NPAS3: variants seen among roughly 807,000 people sequenced by gnomAD.
NPAS3 encodes the protein neuronal PAS domain-containing protein 3.
A neutral mutation model predicts 73.1 loss-of-function variants in NPAS3; 14 were observed. The ratio of observed to expected loss-of-function variants is 0.19; its 90% confidence interval spans 0.13 to 0.30. The LOEUF is 0.30. Among genes scored for constraint, NPAS3 ranks in the 10% least tolerant of loss-of-function variants. The pLI, the probability that NPAS3 is intolerant of heterozygous loss-of-function variation, is 1.00. For missense variants in NPAS3, 1,096 were observed against 1,250.0 expected (o/e 0.88, Z 1.86); for synonymous variants, 620 against 541.5 (o/e 1.14, Z -2.01).
At chr14:33,461,140 C>T (rs1054672389) in intron 4 of NPAS3, among the ~76,000 whole-genome samples, 8 of 152,162 alleles carry the variant, frequency 5.3e-5, no homozygotes, top group Non-Finnish European at 1.0e-4. Context: ...GCCTGCGAGG[C>T]TTTATTTAAA....
intron 2 of NPAS3, among the ~76,000 whole-genome samples, chr14:33,079,228 T>C (rs1457637724): frequency 2.0e-5 from 3 of 152,140 alleles, no homozygotes; most frequent in African/African-American, 7.2e-5. Flanking sequence ...TCTTTCCTCC[T>C]CCATGTAGAA....
At chr14:33,482,817 T>G (rs1167641539) in intron 4 of NPAS3, among the ~76,000 whole-genome samples, 1 of 152,188 alleles carries the variant, frequency 6.6e-6, no homozygotes, top group Non-Finnish European at 1.5e-5. Context: ...GTGCCGTATC[T>G]GCCTTTCTGC....
chr14:33,410,635 A>T (rs2047880781), intron 4 of NPAS3, among the ~76,000 whole-genome samples: 1 of 152,150 alleles, frequency 6.6e-6, no homozygotes, highest in South Asian at 2.1e-4. Context: ...ATTTTGGCTC[A>T]AGAATAGTTG....
chr14:33,062,302 A>AG (rs955110407), intron 2 of NPAS3, among the ~76,000 whole-genome samples: 11 of 112,320 alleles, frequency 9.8e-5, no homozygotes, highest in Non-Finnish European at 1.9e-4. Flanking sequence ...AAAAAAAAAG[A>AG]AAAAAAAAAA....
intron 6 of NPAS3, among the ~76,000 whole-genome samples, chr14:33,705,387 G>A (rs767898676): frequency 3.3e-5 from 5 of 152,284 alleles, no homozygotes; most frequent in Middle Eastern, 3.4e-3. Context: ...TGGGAGTGTT[G>A]AAATGAAGAT....
intron 5 of NPAS3, among the ~76,000 whole-genome samples, chr14:33,601,841 G>A (rs561845784): frequency 5.3e-5 from 8 of 152,162 alleles, no homozygotes; most frequent in Middle Eastern, 3.2e-3. Flanking sequence ...GTAAGCATGA[G>A]GACTTCTTCC....
intron 1 of NPAS3, among the ~76,000 whole-genome samples, chr14:33,002,203 G>C (rs752114151): frequency 6.6e-6 from 1 of 152,074 alleles, no homozygotes; most frequent in East Asian, 1.9e-4. Context: ...TCTTCATGTC[G>C]ATAGTTAAGA....
chr14:33,014,550 T>C (rs1032384093), intron 1 of NPAS3, among the ~76,000 whole-genome samples: 1 of 152,190 alleles, frequency 6.6e-6, no homozygotes, highest in African/African-American at 2.4e-5. Context: ...ATGTATGACA[T>C]ATCTTAAATG....
intron 6 of NPAS3, among the ~76,000 whole-genome samples, chr14:33,714,904 AAAG>A (rs1211733522): frequency 1.1e-4 from 16 of 152,322 alleles, no homozygotes; most frequent in African/African-American, 3.8e-4. Flanking sequence ...GCTACAGAAA[AAAG>A]AAAATCACCA....
At chr14:33,701,826 G>A (rs1237560563) in intron 6 of NPAS3, among the ~76,000 whole-genome samples, 1 of 152,100 alleles carries the variant, frequency 6.6e-6, no homozygotes, top group Non-Finnish European at 1.5e-5. Context: ...TAGGTCATTG[G>A]TTCATTTGTT....
intron 10 of NPAS3, among the ~76,000 whole-genome samples, chr14:33,796,344 C>T (rs963504350): frequency 2.0e-5 from 3 of 152,180 alleles, no homozygotes; most frequent in African/African-American, 7.2e-5. Flanking sequence ...CAGAGTCCAC[C>T]TTCCCACCAT....
intron 3 of NPAS3, among the ~76,000 whole-genome samples, chr14:33,338,644 G>C (rs1363192088): frequency 1.3e-5 from 2 of 152,072 alleles, no homozygotes; most frequent in African/African-American, 4.8e-5. Flanking sequence ...TGCGTAGTAA[G>C]ATAATTCTTA....
At chr14:33,477,516 C>T (rs187077846) in intron 4 of NPAS3, among the ~76,000 whole-genome samples, 5 of 152,046 alleles carry the variant, frequency 3.3e-5, no homozygotes, top group East Asian at 1.9e-4. Flanking sequence ...ACAGAACATA[C>T]GTACTCATGC....
At chr14:33,400,813 T>C (rs577182023) in intron 4 of NPAS3, among the ~76,000 whole-genome samples, 2 of 151,974 alleles carry the variant, frequency 1.3e-5, no homozygotes, top group Non-Finnish European at 2.9e-5. Context: ...GTATTGATGG[T>C]GTGTGTATGT....
chr14:32,992,982 C>T (rs2038396856), intron 1 of NPAS3, among the ~76,000 whole-genome samples: 1 of 151,932 alleles, frequency 6.6e-6, no homozygotes, highest in Non-Finnish European at 1.5e-5. Flanking sequence ...TGGTGAAACC[C>T]TGTCTCTACT....
chr14:33,568,762 G>A (rs915979291), intron 5 of NPAS3, among the ~76,000 whole-genome samples: 2 of 152,182 alleles, frequency 1.3e-5, no homozygotes, highest in African/African-American at 4.8e-5. Context: ...CAGTAGGACT[G>A]TAATAAGGAA....
At chr14:32,999,825 AATAAAAAATATCC>A (rs1240878399) in intron 1 of NPAS3, among the ~76,000 whole-genome samples, 68 of 152,296 alleles carry the variant, frequency 4.5e-4, no homozygotes, top group Admixed American at 1.8e-3. Flanking sequence ...TGTTGCTTGT[AATAAAAAATATCC>A]TGAATATTAT....
intron 5 of NPAS3, among the ~76,000 whole-genome samples, chr14:33,655,960 G>A (rs981189320): frequency 2.0e-5 from 3 of 152,094 alleles, no homozygotes; most frequent in Admixed American, 6.5e-5. Flanking sequence ...AACTCTTGAG[G>A]CCATAGTCTA....
chr14:33,425,540 C>CTT (rs35858110), intron 4 of NPAS3, among the ~76,000 whole-genome samples: 25,443 of 140,382 alleles, frequency 0.18, 2,544 homozygotes, highest in Admixed American at 0.28. Flanking sequence ...TCCACTCCAC[C>CTT]TTTTTTTTTT....
Sources: gnomAD v4.1 joint callset for allele counts (sites outside exome capture counted in the v4.1 genomes callset) on GRCh38, gnomAD v4.1.1 for gene constraint, MANE v1.5 for transcripts, NCBI Gene and HGNC (gene_info 2026-07-23, HGNC 2026-07-21) for gene names.